The following RASSF4 variants were observed in gnomAD, a reference collection of about 807,000 sequenced individuals.
The protein encoded by RASSF4 is ras association domain-containing protein 4.
A neutral mutation model predicts 41.1 loss-of-function variants in RASSF4; 38 were observed. The ratio of observed to expected loss-of-function variants is 0.92; its 90% CI spans 0.71 to 1.21. The LOEUF (loss-of-function observed/expected upper bound fraction) is 1.21, where lower values mean the gene tolerates loss of function less well. Among genes scored for constraint, RASSF4 ranks in the 50% most tolerant of loss-of-function variants. The probability of loss-of-function intolerance (pLI) is 0.00; values close to 1 mark genes in which losing one functional copy is unlikely to be tolerated. For missense variants in RASSF4, 414 were observed against 419.4 expected (o/e 0.99, Z 0.11); for synonymous variants, 179 against 163.4 (o/e 1.10, Z -0.73).
chr10:44,960,111 GGC>G (rs1840650242), intron 1 of RASSF4, among the ~76,000 whole-genome samples: 1 of 152,188 alleles, frequency 6.6e-6, no homozygotes, highest in African/African-American at 2.4e-5. Flanking sequence ...AGATGAGCCC[GGC>G]CACTGGCTAC....
chr10:44,978,877 A>C (rs1841577507), intron 3 of RASSF4: 1 of 152,268 alleles, frequency 6.6e-6, no homozygotes. Flanking sequence ...CACGAGGGCC[A>C]AAAATAGCCT....
chr10:44,965,526 T>G (rs1454948643), intron 1 of RASSF4, among the ~76,000 whole-genome samples: 1 of 152,244 alleles, frequency 6.6e-6, no homozygotes, highest in Non-Finnish European at 1.5e-5. Context: ...CTCCTTCCCT[T>G]GCTTAGGGCC....
rs1841083593 is a variant in RASSF4, at chr10:44,970,066, A to G, written c.-38-99A>G. The G allele has an allele frequency of 5.4e-6, 4 of 735,982 alleles. No individual in the cohort carries two copies. The Admixed American group carries it at 6.2e-5, about 11-fold the overall frequency. 45.6% of individuals were successfully genotyped at this position (735,982 alleles called of 1,614,324 possible). A position where few individuals can be genotyped will look rare whatever the true frequency, so the allele number is the denominator to read the frequency against. ...CTTGTGCCAAGGCGGTGTGATGCCA[A>G]GGCCGACGGTGTCTGTGCCAGGGCT... is the stretch of plus-strand genomic sequence containing the variant. On this transcript the variant is annotated intron_variant, in intron 1 of 10. Coordinates refer to ENST00000340258, the MANE Select transcript of RASSF4 (RefSeq NM_032023.4).
chr10:44,962,130 C>T (rs1270460134), intron 1 of RASSF4, among the ~76,000 whole-genome samples: 1 of 152,188 alleles, frequency 6.6e-6, no homozygotes, highest in Admixed American at 6.5e-5. Flanking sequence ...TATCAGCTGC[C>T]ACAACAGCTC....
intron 5 of RASSF4, 168 bp downstream of exon 5, chr10:44,984,281 C>T (rs1035702419): frequency 4.7e-6 from 3 of 632,094 alleles, no homozygotes; most frequent in Non-Finnish European, 8.1e-6. Context: ...GCTCTGCCCT[C>T]ATTCTCGCTC....
At chr10:44,989,797 C>A (rs751703900) in intron 8 of RASSF4, 76 bp downstream of exon 8, 136 of 1,285,698 alleles carry the variant, frequency 1.1e-4, no homozygotes, top group Non-Finnish European at 1.5e-4. Context: ...CCCCACCAAC[C>A]ACTGACTGTA....
At chr10:44,990,793 T>C in intron 8 of RASSF4, 155 bp from the exon 9 acceptor site, 3 of 644,722 alleles carry the variant, frequency 4.7e-6, no homozygotes, top group South Asian at 2.7e-5. Context: ...CCCTTCTGCA[T>C]GAGCAGGAAT....
intron 3 of RASSF4, among the ~76,000 whole-genome samples, chr10:44,978,406 AT>A (rs1564459565): frequency 1.3e-5 from 2 of 152,184 alleles, no homozygotes; most frequent in Non-Finnish European, 2.9e-5. Context: ...TTACCCATCC[AT>A]AAAACAGGGT....
chr10:44,971,278 G>A (rs4948938), intron 2 of RASSF4: 234,928 of 355,256 alleles, frequency 0.66, 78,968 homozygotes, highest in Non-Finnish European at 0.71. Flanking sequence ...TACTCACAGG[G>A]CCATCACCTT....
chr10:44,962,406 T>A (rs915758109), intron 1 of RASSF4, among the ~76,000 whole-genome samples: 5 of 152,200 alleles, frequency 3.3e-5, no homozygotes, highest in African/African-American at 1.2e-4. Context: ...CATACATGCA[T>A]TTTCTGGGGA....
At chr10:44,986,152 GT>G (rs1189242336) in intron 6 of RASSF4, among the ~76,000 whole-genome samples, 2 of 152,156 alleles carry the variant, frequency 1.3e-5, no homozygotes, top group Non-Finnish European at 2.9e-5. Flanking sequence ...GTGGGTTTAG[GT>G]ATTTTCCAGT....
intron 6 of RASSF4, among the ~76,000 whole-genome samples, chr10:44,987,239 C>T (rs1427616051): frequency 1.3e-5 from 2 of 152,174 alleles, no homozygotes; most frequent in Non-Finnish European, 2.9e-5. Context: ...GCTGGGACTA[C>T]AGGTGCGCAC....
rs41301603 is a variant in RASSF4 at position 44,984,132 on chromosome 10, C to T, written c.373+19C>T. ...AGCTCGGGTAAGCGGAGCCCGCAAG[C>T]TGCCCAGACCCCTGCCTCATCCGGG... On this transcript the variant is annotated intron_variant, in intron 5 of 10. Coordinates refer to ENST00000340258, the MANE Select transcript of RASSF4 (RefSeq NM_032023.4). The T allele has an allele frequency of 8.7e-3, 13,740 of 1,575,074 alleles. 76 individuals are homozygous for T. Among genetic ancestry groups the T allele is most frequent in the Middle Eastern group, 0.021 (122 of 5,728 alleles).
intron 2 of RASSF4, chr10:44,971,398 C>A: frequency 2.3e-6 from 1 of 438,672 alleles, no homozygotes; most frequent in Non-Finnish European, 4.6e-6. Flanking sequence ...AAGCAAGAGG[C>A]TGTACAATGC....
chr10:44,975,008 T>C (rs953700675), intron 3 of RASSF4, among the ~76,000 whole-genome samples: 1 of 152,120 alleles, frequency 6.6e-6, no homozygotes, highest in Non-Finnish European at 1.5e-5. Context: ...TGTCCTTGTG[T>C]AAACCCATGG....
intron 1 of RASSF4, among the ~76,000 whole-genome samples, chr10:44,964,706 T>C (rs1341690297): frequency 6.6e-6 from 1 of 152,230 alleles, no homozygotes; most frequent in African/African-American, 2.4e-5. Context: ...GGAGATTCAA[T>C]GCAAAAGGCT....
intron 2 of RASSF4, 123 bp downstream of exon 2, chr10:44,970,387 G>T (rs1190919397): frequency 1.3e-5 from 10 of 760,770 alleles, no homozygotes; most frequent in African/African-American, 3.4e-5. Flanking sequence ...GTGCCCTGGG[G>T]GACAGTGATG....
intron 6 of RASSF4, among the ~76,000 whole-genome samples, chr10:44,986,708 T>A (rs938812659): frequency 2.6e-5 from 4 of 152,218 alleles, no homozygotes; most frequent in Admixed American, 6.5e-5. Flanking sequence ...TCCTTAGAAA[T>A]GAGGGGACAG....
chr10:44,973,003 G>A (rs957707132), intron 3 of RASSF4, among the ~76,000 whole-genome samples: 6 of 152,162 alleles, frequency 3.9e-5, no homozygotes, highest in African/African-American at 1.2e-4. Flanking sequence ...GCGTCCCCTC[G>A]GCTGGCCAGG....
Sources: gnomAD v4.1 joint callset for allele counts (sites outside exome capture counted in the v4.1 genomes callset) on GRCh38, gnomAD v4.1.1 for gene constraint, MANE v1.5 for transcripts, NCBI Gene and HGNC (gene_info 2026-07-23, HGNC 2026-07-21) for gene names.